CNGA3: variants seen among roughly 807,000 people sequenced by gnomAD.
CNGA3 encodes the protein cyclic nucleotide-gated channel alpha-3.
In CNGA3, 42 loss-of-function variants were observed where a neutral mutation model predicts 46.6. That is an observed-to-expected ratio of 0.90 (90% CI 0.70 to 1.17). The LOEUF (loss-of-function observed/expected upper bound fraction) is 1.17. CNGA3 is among the 50% of genes most tolerant of loss of function. The pLI, the probability that CNGA3 is intolerant of heterozygous loss-of-function variation, is 0.00. For missense variants in CNGA3, 893 were observed against 890.7 expected (o/e 1.00, Z -0.03); for synonymous variants, 394 against 369.4 (o/e 1.07, Z -0.76).
intron 1 of CNGA3, among the ~76,000 whole-genome samples, chr2:98,351,506 G>A (rs1174955462): frequency 6.6e-6 from 1 of 152,182 alleles, no homozygotes; most frequent in Non-Finnish European, 1.5e-5. Context: ...ATGATTGTGA[G>A]GCCTCCCCAG....
intron 2 of CNGA3, among the ~76,000 whole-genome samples, chr2:98,371,006 G>A (rs1692273659): frequency 1.3e-5 from 2 of 151,952 alleles, no homozygotes; most frequent in South Asian, 2.1e-4. Context: ...TGTATTTTTA[G>A]TAGAGACAGG....
chr2:98,363,998 T>C (rs1692090696), intron 1 of CNGA3, among the ~76,000 whole-genome samples: 1 of 152,250 alleles, frequency 6.6e-6, no homozygotes, highest in Non-Finnish European at 1.5e-5. Flanking sequence ...CATATATATT[T>C]AAAATAGTTA....
intron 1 of CNGA3, among the ~76,000 whole-genome samples, chr2:98,364,190 C>T (rs1558806015): frequency 6.6e-6 from 1 of 152,056 alleles, no homozygotes; most frequent in Non-Finnish European, 1.5e-5. Context: ...CTAGCCTGGC[C>T]AACATGGTGA....
intron 1 of CNGA3, among the ~76,000 whole-genome samples, chr2:98,350,242 C>T (rs568911357): frequency 6.6e-6 from 1 of 152,168 alleles, no homozygotes; most frequent in Non-Finnish European, 1.5e-5. Context: ...AATTATAATG[C>T]CTTCCTCATC....
intron 7 of CNGA3, among the ~76,000 whole-genome samples, chr2:98,395,611 A>G (rs1173474518): frequency 6.6e-6 from 1 of 152,214 alleles, no homozygotes; most frequent in Non-Finnish European, 1.5e-5. Context: ...ATTTAAATTT[A>G]CTCAATCAAC....
At chr2:98,375,891 C>A (rs1302980228) in intron 2 of CNGA3, among the ~76,000 whole-genome samples, 1 of 152,020 alleles carries the variant, frequency 6.6e-6, no homozygotes, top group Non-Finnish European at 1.5e-5. Context: ...AGTTGCTTAA[C>A]CTTTCTGAAC....
At chr2:98,374,653 C>T (rs1692365345) in intron 2 of CNGA3, among the ~76,000 whole-genome samples, 1 of 152,240 alleles carries the variant, frequency 6.6e-6, no homozygotes, top group Non-Finnish European at 1.5e-5. Flanking sequence ...TCTCTTCCCA[C>T]CTCCCCTCCA....
At chr2:98,368,395 C>A (rs538432641) in intron 1 of CNGA3, among the ~76,000 whole-genome samples, 10 of 152,352 alleles carry the variant, frequency 6.6e-5, no homozygotes, top group African/African-American at 2.2e-4. Flanking sequence ...CTCAAGAGAG[C>A]CTGTGCTAAT....
intron 3 of CNGA3, 186 bp downstream of exon 3, chr2:98,377,986 C>T: frequency 6.7e-7 from 1 of 1,486,986 alleles, no homozygotes; most frequent in Non-Finnish European, 9.1e-7. Context: ...GTTCTGAGCT[C>T]AGAAAAGTCT....
chr2:98,379,123 A>G (rs1692480303), intron 3 of CNGA3, among the ~76,000 whole-genome samples: 1 of 152,256 alleles, frequency 6.6e-6, no homozygotes, highest in Non-Finnish European at 1.5e-5. Flanking sequence ...GTGTGGTTAC[A>G]GGAATTGTCT....
At chr2:98,367,663 A>AC (rs1003705668) in intron 1 of CNGA3, among the ~76,000 whole-genome samples, 8 of 151,578 alleles carry the variant, frequency 5.3e-5, no homozygotes, top group Non-Finnish European at 1.0e-4. Flanking sequence ...GGCAGGCAAC[A>AC]CCCCCCATCA....
At chr2:98,391,259 A>AGCT (rs1037962299) in intron 6 of CNGA3, among the ~76,000 whole-genome samples, 1 of 152,062 alleles carries the variant, frequency 6.6e-6, no homozygotes, top group Non-Finnish European at 1.5e-5. Flanking sequence ...TGCTTGGGCA[A>AGCT]GCTGCTGCTC....
chr2:98,395,830 A>C lies in CNGA3; in HGVS notation c.674-14A>C. On this transcript the variant is annotated splice_polypyrimidine_tract_variant and intron_variant, in intron 7 of 7. Transcript: ENST00000272602. ...GCCTCTGTGATGCCCAATGACCTCC[A>C]TCTTCTTCTTTAGGTTTTCTCGAGC... is the stretch of plus-strand genomic sequence containing the variant. The C allele has an allele frequency of 1.2e-6, 2 of 1,613,676 alleles. No homozygotes were observed. Among genetic ancestry groups the C allele is most frequent in the Non-Finnish European group, 1.7e-6 (2 of 1,179,666 alleles).
chr2:98,370,263 T>A (rs1692256256), intron 2 of CNGA3, among the ~76,000 whole-genome samples, 187 bp downstream of exon 2: 1 of 152,192 alleles, frequency 6.6e-6, no homozygotes, highest in Admixed American at 6.5e-5. Flanking sequence ...CAGAAAGTAG[T>A]CTGTATTCTT....
intron 2 of CNGA3, 47 bp downstream of exon 2, chr2:98,370,123 C>T: frequency 7.0e-7 from 1 of 1,432,620 alleles, no homozygotes; most frequent in Non-Finnish European, 9.8e-7. Context: ...TGGCTCTGGT[C>T]ATTTCCACAG....
rs199837807 is a variant in CNGA3 at position 98,396,039 on chromosome 2, G to A, written c.869G>A (p.Arg290His). 518 of 1,614,134 alleles carry A rather than the reference G, an allele frequency of 3.2e-4. No homozygotes were observed. Among genetic ancestry groups the A allele is most frequent in the Non-Finnish European group, 4.2e-4 (494 of 1,180,010 alleles). Residue 290 changes from arginine to histidine, a missense_variant, in exon 8 of 8, where the codon CGC becomes CAC. Arg to His is a conservative substitution (Grantham distance 29, BLOSUM62 0). Around this residue, in one of 3 missense-constraint regions of CNGA3, gnomAD observed 548 missense variants for 570.8 expected, o/e 0.96. Transcript: ENST00000272602. ...KFSRLFEFFD[R>H]TETRTNYPNM... ...TCCCGGCTCTTTGAATTCTTTGACC[G>A]CACAGAGACAAGGACCAACTACCCC...
chr2:98,386,588 C>T (rs1029311405), intron 5 of CNGA3, among the ~76,000 whole-genome samples: 2 of 152,202 alleles, frequency 1.3e-5, no homozygotes, highest in Non-Finnish European at 2.9e-5. Flanking sequence ...TATAAATTAC[C>T]CACCCTCGGG....
intron 3 of CNGA3, 21 bp from the exon 4 acceptor site, chr2:98,380,154 A>T: frequency 6.2e-7 from 1 of 1,613,762 alleles, no homozygotes; most frequent in Non-Finnish European, 8.5e-7. Context: ...CCTCTGGCTC[A>T]GTGCTTGTGT....
At chr2:98,382,710 C>T (rs947158858) in intron 4 of CNGA3, among the ~76,000 whole-genome samples, 1 of 152,168 alleles carries the variant, frequency 6.6e-6, no homozygotes, top group Non-Finnish European at 1.5e-5. Context: ...TGAAGTACTG[C>T]AAAATTCAAC....
Sources: gnomAD v4.1 joint callset for allele counts (sites outside exome capture counted in the v4.1 genomes callset) on GRCh38, gnomAD v4.1.1 for gene constraint, gnomAD v4.1.1 regional missense constraint, MANE v1.5 for transcripts, NCBI Gene and HGNC (gene_info 2026-07-23, HGNC 2026-07-21) for gene names.